EYA2: variants seen among roughly 807,000 people sequenced by gnomAD.
EYA2 encodes protein phosphatase EYA2.
A neutral mutation model predicts 69.2 loss-of-function variants in EYA2; 31 were observed. The ratio of observed to expected loss-of-function variants is 0.45; its 90% confidence interval spans 0.34 to 0.60. The LOEUF (loss-of-function observed/expected upper bound fraction) is 0.60. Among genes scored for constraint, EYA2 ranks in the 20% least tolerant of loss-of-function variants. The pLI is 0.02. For missense variants in EYA2, 622 were observed against 701.2 expected (o/e 0.89, Z 1.28); for synonymous variants, 257 against 279.4 (o/e 0.92, Z 0.80).
At chr20:47,151,691 C>G (rs1009895348) in intron 10 of EYA2, among the ~76,000 whole-genome samples, 1 of 151,996 alleles carries the variant, frequency 6.6e-6, no homozygotes. Context: ...AGGTTAGATT[C>G]TGCCATCATA....
chr20:47,163,629 A>C (rs1029738449), intron 10 of EYA2, among the ~76,000 whole-genome samples: 4 of 148,778 alleles, frequency 2.7e-5, no homozygotes, highest in Non-Finnish European at 5.9e-5. Context: ...ACCTGGGAGG[A>C]AGAGGTTGCA....
chr20:46,944,378 C>T (rs1978337810), intron 1 of EYA2, among the ~76,000 whole-genome samples: 1 of 152,206 alleles, frequency 6.6e-6, no homozygotes, highest in Admixed American at 6.5e-5. Flanking sequence ...GGGGCAGGTG[C>T]AGCCTCGGTC....
intron 7 of EYA2, among the ~76,000 whole-genome samples, chr20:47,088,652 A>G (rs1013761944): frequency 1.3e-5 from 2 of 152,156 alleles, no homozygotes; most frequent in Non-Finnish European, 2.9e-5. Context: ...CAGTGGCGCT[A>G]TCATAGCTCA....
chr20:47,040,740 C>G (rs1985014807), intron 5 of EYA2, among the ~76,000 whole-genome samples: 1 of 152,172 alleles, frequency 6.6e-6, no homozygotes, highest in Non-Finnish European at 1.5e-5. Context: ...AAGCTTGGGT[C>G]TCAGCTCAGC....
In EYA2 at chr20:47,186,081, A is replaced by G. The variant is rs142993073; in HGVS notation, c.1537-1972A>G. 5.4e-3 allele frequency among the ~76,000 whole-genome samples: 821 copies of G among 152,242 alleles called. 28 individuals are homozygous for G. The East Asian group carries it at 0.079, about 15-fold the overall frequency. On this transcript the variant is annotated intron_variant, in intron 15 of 15. Transcript: ENST00000327619. Reference sequence around the variant, plus strand: ...AGAGGCCTTTCCTGACCCAGCTCTCAAAAGTAGACACACAAAGCTGCTTTC... The same window carrying G: ...AGAGGCCTTTCCTGACCCAGCTCTCGAAAGTAGACACACAAAGCTGCTTTC...
chr20:47,108,382 CCACCATGAGTGGAAGCAGCCTGA>C (rs1292413875), intron 9 of EYA2, among the ~76,000 whole-genome samples: 1 of 152,162 alleles, frequency 6.6e-6, no homozygotes, highest in African/African-American at 2.4e-5. Flanking sequence ...CCTTTGCTTT[CCACCATGAGTGGAAGCAGCCTGA>C]GGCCTCACCA....
intron 1 of EYA2, among the ~76,000 whole-genome samples, chr20:46,936,003 A>G (rs1365335361): frequency 1.3e-5 from 2 of 152,110 alleles, no homozygotes; most frequent in African/African-American, 4.8e-5. Context: ...AGCATTTTGG[A>G]TTTTGGATTT....
At chr20:46,973,459 G>A (rs1261307460) in intron 1 of EYA2, among the ~76,000 whole-genome samples, 2 of 152,240 alleles carry the variant, frequency 1.3e-5, no homozygotes, top group African/African-American at 4.8e-5. Context: ...AGACAATTGG[G>A]GAAGATTGAA....
intron 11 of EYA2, among the ~76,000 whole-genome samples, 191 bp downstream of exon 11, chr20:47,169,388 G>T (rs2034273642): frequency 6.6e-6 from 1 of 152,102 alleles, no homozygotes; most frequent in Non-Finnish European, 1.5e-5. Flanking sequence ...GCTCATACTT[G>T]TAATCCCAGC....
chr20:46,974,965 T>C (rs1027765356), intron 1 of EYA2, among the ~76,000 whole-genome samples: 5 of 152,158 alleles, frequency 3.3e-5, no homozygotes, highest in African/African-American at 1.2e-4. Flanking sequence ...ACTTGCATCA[T>C]GTGTTTTTCT....
intron 1 of EYA2, among the ~76,000 whole-genome samples, chr20:46,935,037 G>A (rs144966479): frequency 3.0e-4 from 46 of 152,358 alleles, no homozygotes; most frequent in Non-Finnish European, 5.9e-4. Flanking sequence ...TAGGAAGCAA[G>A]ACTGGAGACG....
intron 9 of EYA2, among the ~76,000 whole-genome samples, chr20:47,111,485 C>T (rs1481777975): frequency 1.3e-5 from 2 of 152,202 alleles, no homozygotes; most frequent in African/African-American, 4.8e-5. Flanking sequence ...CTGGGACAAC[C>T]TGTCTCTGCT....
At position 47,105,624 on chromosome 20, in the gene EYA2, C is replaced by CAAAAAAAAAA. The variant is rs3085517; in HGVS notation, c.888+8463_888+8472dup. Among the ~76,000 whole-genome samples, 5 of 131,236 alleles carry CAAAAAAAAAA rather than the reference C, an allele frequency of 3.8e-5. 2 individuals carry two copies. Among genetic ancestry groups the CAAAAAAAAAA allele is most frequent in the African/African-American group, 5.8e-5 (2 of 34,708 alleles). The allele number at this position is 131,236 out of a possible 152,430, so 86.1% of individuals were successfully genotyped here. A position where few individuals can be genotyped will look rare whatever the true frequency, so the allele number is the denominator to read the frequency against. On this transcript the variant is annotated intron_variant, in intron 9 of 15. Transcript: ENST00000327619. ...TGGGCGACAGAGCAAGACTCTGTCC[C>CAAAAAAAAAA]AAAAAAAAAAAAAAAAGGAACCTGC...
chr20:47,095,770 A>G lies in EYA2; in HGVS notation c.805-1315A>G, dbSNP rs182048715. 16 of 152,346 alleles carry G rather than the reference A, an allele frequency of 1.1e-4. No individual in the cohort carries two copies. In the East Asian group the frequency reaches 3.1e-3, roughly 29 times the overall value. The allele number at this position is 152,346 out of a possible 1,614,324, so 9.4% of individuals were successfully genotyped here. On this transcript the variant is annotated intron_variant, in intron 8 of 15. Coordinates refer to ENST00000327619, the MANE Select transcript of EYA2 (RefSeq NM_005244.5). ...TAGAGAAAAATAAAGATAACTTCAG[A>G]TATTCGAGAATTCAGGAAGATTACT...
intron 8 of EYA2, among the ~76,000 whole-genome samples, chr20:47,093,030 G>A (rs1424992530): frequency 1.3e-5 from 2 of 152,232 alleles, no homozygotes; most frequent in African/African-American, 4.8e-5. Context: ...AAGTAGAGTA[G>A]AGTATCAGCG....
At chr20:47,123,172 A>C (rs1230154759) in intron 9 of EYA2, among the ~76,000 whole-genome samples, 1 of 151,748 alleles carries the variant, frequency 6.6e-6, no homozygotes, top group African/African-American at 2.4e-5. Flanking sequence ...TTTTTTTTTT[A>C]ATTGACAGAT....
At chr20:47,129,993 C>T (rs937308110) in intron 9 of EYA2, among the ~76,000 whole-genome samples, 3 of 151,840 alleles carry the variant, frequency 2.0e-5, no homozygotes, top group Non-Finnish European at 2.9e-5. Flanking sequence ...TTGTGCCCCC[C>T]ACCCCAGTCA....
chr20:47,103,045 C>G (rs2032468116), intron 9 of EYA2, among the ~76,000 whole-genome samples: 1 of 152,138 alleles, frequency 6.6e-6, no homozygotes, highest in African/African-American at 2.4e-5. Flanking sequence ...CAGCCCACTA[C>G]CAATATGAAG....
chr20:46,943,721 A>G (rs1206743), intron 1 of EYA2, among the ~76,000 whole-genome samples: 55,188 of 152,048 alleles, frequency 0.36, 11,047 homozygotes, highest in Non-Finnish European at 0.46. Flanking sequence ...GAAGGAAGCT[A>G]GGTTGGATTC....
Sources: gnomAD v4.1 joint callset for allele counts (sites outside exome capture counted in the v4.1 genomes callset) on GRCh38, gnomAD v4.1.1 for gene constraint, MANE v1.5 for transcripts, NCBI Gene and HGNC (gene_info 2026-07-23, HGNC 2026-07-21) for gene names.